SEC24C: variants seen among roughly 807,000 people sequenced by gnomAD.
The protein encoded by SEC24C is SEC24 homolog C, COPII component.
A neutral mutation model predicts 117.0 loss-of-function variants in SEC24C; 22 were observed. The observed-to-expected ratio is 0.19, with a 90% CI of 0.13 to 0.27. SEC24C has a LOEUF of 0.27. SEC24C is among the 10% of genes least tolerant of loss of function. SEC24C has a pLI of 1.00. For synonymous variants in SEC24C, 506 were observed against 529.4 expected, an observed-to-expected ratio of 0.96 and a Z score of 0.61; for missense variants, 1,155 against 1,375.1, an observed-to-expected ratio of 0.84 and a Z score of 2.53.
intron 20 of SEC24C, 65 bp downstream of exon 20, chr10:73,770,080 G>T: frequency 1.4e-6 from 2 of 1,479,756 alleles, no homozygotes; most frequent in Non-Finnish European, 1.9e-6. Context: ...AGGAGGAAAG[G>T]ATAGGCTAGT....
rs776415643 is a variant in SEC24C, at chr10:73,770,742, A to G, written c.3088A>G (p.Lys1030Glu). 1 of 1,614,154 alleles carries G rather than the reference A, an allele frequency of 6.2e-7. No individual in the cohort carries two copies. Among genetic ancestry groups the G allele is most frequent in the Admixed American group, 1.7e-5 (1 of 60,014 alleles). The change falls in exon 22 of 23, where the codon AAG (lysine) becomes GAG (glutamate). Residue 1030 changes from lysine (K) to glutamate (E), a missense_variant. Physicochemically the swap from Lys to Glu is moderately conservative, Grantham distance 56. Transcript: ENST00000345254. The part of the protein sequence containing the change: ...VLPVLDNPLS[K>E]KVRGLIDSLR... ...GCCAGTTCTGGATAATCCACTGTCC[A>G]AGAAGGTTCGAGGCCTCATTGATAG...
At position 73,755,295 on chromosome 10, in the gene SEC24C, G is replaced by A. The variant is rs184803911; in HGVS notation, c.308+4052G>A. Reference sequence around the variant, plus strand: ...GCTGCCAAATTGTAAGATGAAGATGGAGAATTGACCATTGAATTTGGCAAG... The same window carrying A: ...GCTGCCAAATTGTAAGATGAAGATGAAGAATTGACCATTGAATTTGGCAAG... On this transcript the variant is annotated intron_variant, in intron 3 of 22. Transcript: ENST00000345254. Among the ~76,000 whole-genome samples, 154 of 152,180 alleles carry A rather than the reference G, an allele frequency of 1.0e-3. 8 individuals carry two copies. Among genetic ancestry groups the A allele is most frequent in the African/African-American group, 3.3e-3 (138 of 41,528 alleles).
intron 15 of SEC24C, among the ~76,000 whole-genome samples, chr10:73,768,477 C>T (rs931833254): frequency 1.3e-5 from 2 of 152,190 alleles, no homozygotes; most frequent in Admixed American, 1.3e-4. Context: ...ATCAGTCCTG[C>T]ATTGATATTC....
chr10:73,746,205 A>G (rs1319660917), intron 1 of SEC24C, among the ~76,000 whole-genome samples: 3 of 150,692 alleles, frequency 2.0e-5, no homozygotes, highest in African/African-American at 7.3e-5. Flanking sequence ...AGGTCCATAC[A>G]CTCTTTTGGT....
chr10:73,770,241 T>A lies in SEC24C; in HGVS notation c.2863-39T>A, dbSNP rs746682944. 2.6e-6 allele frequency: 4 copies of A among 1,553,578 alleles called. No homozygotes were observed. In the South Asian group the frequency reaches 4.8e-5, roughly 19 times the overall value. Reference sequence around the variant, plus strand: ...GGTGCGGGGGGGCAGACTTGTCTTATGGTCCTTGGTAACCTTTTGCTCCCT... The same window carrying A: ...GGTGCGGGGGGGCAGACTTGTCTTAAGGTCCTTGGTAACCTTTTGCTCCCT... On this transcript the variant is annotated intron_variant, in intron 20 of 22. Transcript: ENST00000345254.
chr10:73,758,293 T>G (rs2082743041), intron 3 of SEC24C, among the ~76,000 whole-genome samples: 1 of 152,136 alleles, frequency 6.6e-6, no homozygotes, highest in South Asian at 2.1e-4. Flanking sequence ...TCTTTTGTAA[T>G]GTTTAGCTAA....
Position 73,766,793 on chromosome 10 carries a change from C to G in SEC24C, c.1833C>G (p.Asp611Glu), listed in dbSNP as rs1348933862. ...ATCAGATTCCAGAAATGTTTGCAGA[C>G]ACAAGGGAAACAGAGACAGTATTTG... ...LLDQIPEMFA[D>E]TRETETVFVP... The change falls in exon 13 of 23, where the codon GAC becomes GAG. Residue 611 changes from aspartate to glutamate, a missense_variant. Physicochemically the swap from Asp to Glu is conservative, Grantham distance 45 (BLOSUM62 2). This residue lies in a region of SEC24C where 759 missense variants were observed against 992.3 expected (regional missense o/e 0.76). Coordinates refer to ENST00000345254, the MANE Select transcript of SEC24C (RefSeq NM_198597.3). 1 of 1,614,160 alleles carries G rather than the reference C, an allele frequency of 6.2e-7. No homozygotes were observed.
intron 3 of SEC24C, among the ~76,000 whole-genome samples, chr10:73,754,707 C>T (rs78985317): frequency 0.12 from 17,750 of 152,148 alleles, 1,151 homozygotes; most frequent in South Asian, 0.19. Context: ...TGGGAGTCCT[C>T]AGTCTATAGA....
At chr10:73,763,666 G>GTTTTTTTT in intron 7 of SEC24C, 65 bp downstream of exon 7, 12 of 212,422 alleles carry the variant, frequency 5.6e-5, no homozygotes, top group South Asian at 1.2e-4. Context: ...TATGGTTGGG[G>GTTTTTTTT]CTTTTTTTTT....
intron 6 of SEC24C, among the ~76,000 whole-genome samples, chr10:73,761,320 C>A (rs544133136): frequency 6.6e-6 from 1 of 152,294 alleles, no homozygotes; most frequent in South Asian, 2.1e-4. Context: ...GTCCCCAGTA[C>A]TTTTGTTTGG....
Position 73,760,009 on chromosome 10 carries a change from A to G in SEC24C, c.482-9A>G, listed in dbSNP as rs765580834. On this transcript the variant is annotated splice_polypyrimidine_tract_variant and intron_variant, in intron 4 of 22. Transcript: ENST00000345254. ...GGGCTTTTGACTCTACCTTTATTCT[A>G]CTTCTCAGGCCCACCAACATCGCTG... 8 of 1,558,324 alleles carry G rather than the reference A, an allele frequency of 5.1e-6. No homozygotes were observed. The East Asian group carries it at 1.4e-4, about 27-fold the overall frequency.
intron 3 of SEC24C, among the ~76,000 whole-genome samples, chr10:73,756,081 G>A (rs1014952553): frequency 5.3e-5 from 8 of 152,068 alleles, no homozygotes; most frequent in Middle Eastern, 3.4e-3. Context: ...CAAACTCCTC[G>A]CCTCAGGTGA....
At chr10:73,751,434 A>G (rs2082640964) in intron 3 of SEC24C, among the ~76,000 whole-genome samples, 191 bp downstream of exon 3, 1 of 152,118 alleles carries the variant, frequency 6.6e-6, no homozygotes, top group African/African-American at 2.4e-5. Context: ...GGTGGTGTGC[A>G]CTTGAAATCC....
chr10:73,769,204 A>G lies in SEC24C; in HGVS notation c.2424+52A>G. The G allele has an allele frequency of 3.1e-6, 5 of 1,606,462 alleles. No individual in the cohort carries two copies. The highest frequency in any genetic ancestry group is 4.3e-6 in the Non-Finnish European group (5 of 1,176,142). ...AGGAAGTGTTTCATTCGCTTGGTAT[A>G]GAAGAGGGTGAGGAATGGGTAGAGA... On this transcript the variant is annotated intron_variant, in intron 17 of 22. Coordinates refer to ENST00000345254, the MANE Select transcript of SEC24C (RefSeq NM_198597.3). This position sits in a 1 kb window ranked among gnomAD's most constrained non-coding sequence, Gnocchi z 4.5.
At chr10:73,751,562 T>C (rs144803076) in intron 3 of SEC24C, among the ~76,000 whole-genome samples, 34 of 152,222 alleles carry the variant, frequency 2.2e-4, no homozygotes, top group African/African-American at 6.3e-4. Context: ...AATAAATAAA[T>C]AAATAAATAA....
chr10:73,755,919 T>C (rs913068311), intron 3 of SEC24C, among the ~76,000 whole-genome samples: 3 of 151,700 alleles, frequency 2.0e-5, no homozygotes, highest in African/African-American at 7.3e-5. Flanking sequence ...TGGCACGATC[T>C]CTGCTCACTG....
At chr10:73,764,797 G>A (rs888249810) in intron 8 of SEC24C, among the ~76,000 whole-genome samples, 8 of 152,230 alleles carry the variant, frequency 5.3e-5, no homozygotes, top group Admixed American at 2.0e-4. Flanking sequence ...CCAGGCAGCT[G>A]CTCCACCAGG....
In SEC24C at chr10:73,763,620, C is replaced by G. The variant is rs371733100; in HGVS notation, c.1099+19C>G. 6.8e-7 allele frequency: 1 copy of G among 1,479,304 alleles called. No homozygotes were observed. The highest frequency in any genetic ancestry group is 9.4e-7 in the Non-Finnish European group (1 of 1,063,402). 91.6% of individuals were successfully genotyped at this position (1,479,304 alleles called of 1,614,324 possible). On this transcript the variant is annotated intron_variant, in intron 7 of 22. Coordinates refer to ENST00000345254, the MANE Select transcript of SEC24C (RefSeq NM_198597.3). ...GACCAAGGTGAGAATGGAATTAGCT[C>G]CTCCCACAGGGGCTTTTTCTTCAAG...
intron 3 of SEC24C, among the ~76,000 whole-genome samples, chr10:73,756,410 G>C (rs1221655304): frequency 1.3e-5 from 2 of 152,028 alleles, no homozygotes; most frequent in Non-Finnish European, 2.9e-5. Flanking sequence ...AAGGAGTGCT[G>C]TTTCTCTCAG....
Sources: allele counts gnomAD v4.1 joint callset (sites outside exome capture counted in the v4.1 genomes callset), GRCh38; gene constraint gnomAD v4.1.1; regional missense constraint gnomAD v4.1.1; non-coding constraint Gnocchi (gnomAD v3.1); transcripts MANE v1.5; gene names NCBI Gene and HGNC (gene_info 2026-07-23, HGNC 2026-07-21).